The following TBPL2 variants were observed in gnomAD, a reference collection of about 807,000 sequenced individuals.
TBPL2 encodes the protein TATA-box binding protein like 2, also known as TATA box-binding protein-like 2.
Under a neutral mutation model 38.2 loss-of-function variants are expected in TBPL2, and 40 were observed. That is an observed-to-expected ratio of 1.05 (90% confidence interval 0.81 to 1.36). TBPL2 has a LOEUF of 1.36. Among genes scored for constraint, TBPL2 ranks in the 40% most tolerant of loss-of-function variants. The pLI, the probability that TBPL2 is intolerant of heterozygous loss-of-function variation, is 0.00. For synonymous variants in TBPL2, 169 were observed against 171.7 expected, an observed-to-expected ratio of 0.98 and a Z score of 0.12; for missense variants, 461 against 456.7, an observed-to-expected ratio of 1.01 and a Z score of -0.09.
At chr14:55,436,641 G>C in exon 2 of TBPL2, 1 of 1,614,190 alleles carries the variant, frequency 6.2e-7, no homozygotes, top group Admixed American at 1.7e-5. Context: ...GAGACAAGGA[G>C]TCGGAGTTTG....
intron 1 of TBPL2, among the ~76,000 whole-genome samples, chr14:55,439,618 C>CCCCCCCCCCCCCT (rs1555344751): frequency 5.0e-5 from 3 of 60,234 alleles, no homozygotes; most frequent in Non-Finnish European, 9.5e-5. Context: ...AAGCAAACCC[C>CCCCCCCCCCCCCT]CCCCCGTCTC....
chr14:55,419,539 C>T (rs1885713200), intron 6 of TBPL2, among the ~76,000 whole-genome samples: 1 of 152,214 alleles, frequency 6.6e-6, no homozygotes, highest in African/African-American at 2.4e-5. Context: ...AGATCCAGAA[C>T]AGTGTAAGCT....
In TBPL2 at chr14:55,435,945, AAGTC is replaced by A. The variant is rs1886005741; in HGVS notation, c.609-15_609-12del. The A allele has an allele frequency of 6.5e-7, 1 of 1,529,356 alleles. No homozygotes were observed. The highest frequency in any genetic ancestry group is 8.8e-7 in the Non-Finnish European group (1 of 1,130,368). The allele number at this position is 1,529,356 out of a possible 1,614,324, so 94.7% of individuals were successfully genotyped here. A position where few individuals can be genotyped will look rare whatever the true frequency, so the allele number is the denominator to read the frequency against. On this transcript the variant is annotated splice_polypyrimidine_tract_variant and intron_variant, in intron 2 of 6. Coordinates refer to ENST00000247219, the Ensembl canonical transcript of TBPL2. ...GTGGAAACTATATTCCTGAAGAAAT[AAGTC>A]AGTTTAGAAACTTATATCAGATATA...
chr14:55,425,496 A>G (rs1175020451), intron 5 of TBPL2, among the ~76,000 whole-genome samples: 3 of 152,264 alleles, frequency 2.0e-5, no homozygotes, highest in Non-Finnish European at 4.4e-5. Context: ...TAAGATTACC[A>G]GTATAATGTG....
chr14:55,430,197 AC>A (rs942511330), intron 4 of TBPL2, among the ~76,000 whole-genome samples: 1 of 151,814 alleles, frequency 6.6e-6, no homozygotes, highest in Non-Finnish European at 1.5e-5. Flanking sequence ...GGTGAATTCC[AC>A]CCCCCTCATG....
chr14:55,432,102 G>T (rs766007922), intron 4 of TBPL2, among the ~76,000 whole-genome samples: 1 of 152,080 alleles, frequency 6.6e-6, no homozygotes, highest in African/African-American at 2.4e-5. Flanking sequence ...TTCAAAATTT[G>T]TGTTTTTTAA....
At chr14:55,438,669 A>C (rs1400468261) in intron 1 of TBPL2, 1 of 152,202 alleles carries the variant, frequency 6.6e-6, no homozygotes, top group East Asian at 1.9e-4. Flanking sequence ...ATGGTAATGG[A>C]AACTTGACCG....
chr14:55,419,592 G>A (rs1885713867), intron 6 of TBPL2, among the ~76,000 whole-genome samples: 1 of 152,216 alleles, frequency 6.6e-6, no homozygotes, highest in South Asian at 2.1e-4. Context: ...CATGACAGTA[G>A]AACAGCAGGG....
At chr14:55,427,437 G>A (rs571474811) in intron 5 of TBPL2, among the ~76,000 whole-genome samples, 2 of 152,310 alleles carry the variant, frequency 1.3e-5, no homozygotes, top group South Asian at 2.1e-4. Flanking sequence ...ATATCTGAAA[G>A]GAAAGCTAAC....
At position 55,432,612 on chromosome 14, in the gene TBPL2, T is replaced by C. The variant is rs560390311; in HGVS notation, c.788+1018A>G. On this transcript the variant is annotated intron_variant, in intron 4 of 6. Coordinates refer to ENST00000247219, the Ensembl canonical transcript of TBPL2. ...CTTCTAAAAAGTTATTTAATCTCAC[T>C]AGTAAATCAAAGAAATGTAAAACAA... Among the ~76,000 whole-genome samples, 3 of 152,312 alleles carry C rather than the reference T, an allele frequency of 2.0e-5. No individual in the cohort carries two copies. The East Asian group carries it at 5.8e-4, about 29-fold the overall frequency.
exon 2 of TBPL2, chr14:55,436,618 G>A: frequency 6.2e-7 from 1 of 1,614,206 alleles, no homozygotes. Flanking sequence ...TGTCATGGGA[G>A]TTATGGATGC....
At chr14:55,414,508 AC>A in intron 6 of TBPL2, 53 bp from the exon 7 acceptor site, 1 of 1,287,866 alleles carries the variant, frequency 7.8e-7, no homozygotes, top group Non-Finnish European at 1.1e-6. Flanking sequence ...ACCAACATTT[AC>A]TTAAACACTA....
At chr14:55,418,655 G>A (rs993344301) in intron 6 of TBPL2, among the ~76,000 whole-genome samples, 1 of 152,118 alleles carries the variant, frequency 6.6e-6, no homozygotes, top group Non-Finnish European at 1.5e-5. Flanking sequence ...CACAGATGTT[G>A]AGCTGATTAA....
intron 1 of TBPL2, among the ~76,000 whole-genome samples, chr14:55,438,593 C>G (rs1396775721): frequency 6.6e-6 from 1 of 152,124 alleles, no homozygotes; most frequent in Non-Finnish European, 1.5e-5. Flanking sequence ...GGCATTTTAT[C>G]AGGGAACAAA....
At chr14:55,416,671 A>G (rs1329457630) in intron 6 of TBPL2, among the ~76,000 whole-genome samples, 2 of 152,216 alleles carry the variant, frequency 1.3e-5, no homozygotes, top group Admixed American at 1.3e-4. Flanking sequence ...TTTAGAAACT[A>G]AACAGTGAGT....
exon 3 of TBPL2, chr14:55,435,902 T>G (rs371823408): frequency 9.2e-5 from 145 of 1,584,548 alleles, no homozygotes; most frequent in Non-Finnish European, 1.2e-4. Context: ...CAGATCCAAC[T>G]TACAGGCCAG....
chr14:55,433,847 T>A (rs1405186171), intron 3 of TBPL2, 126 bp from the exon 4 acceptor site: 3 of 718,396 alleles, frequency 4.2e-6, no homozygotes, highest in Non-Finnish European at 6.7e-6. Context: ...CTGGGTCTTT[T>A]CTCCCTACAT....
intron 5 of TBPL2, among the ~76,000 whole-genome samples, chr14:55,424,693 AAAATATTT>A (rs1352280946): frequency 6.6e-6 from 1 of 152,248 alleles, no homozygotes; most frequent in Non-Finnish European, 1.5e-5. Flanking sequence ...ATAGAACCTA[AAAATATTT>A]CTAGGCCACT....
At chr14:55,426,118 T>A (rs1169400255) in intron 5 of TBPL2, among the ~76,000 whole-genome samples, 5 of 151,734 alleles carry the variant, frequency 3.3e-5, no homozygotes. Context: ...AATACAAAAA[T>A]TAGCCGGGTG....
Sources: gnomAD v4.1 joint callset for allele counts (sites outside exome capture counted in the v4.1 genomes callset) on GRCh38, gnomAD v4.1.1 for gene constraint, MANE v1.5 for transcripts, NCBI Gene and HGNC (gene_info 2026-07-23, HGNC 2026-07-21) for gene names.